LAMA3: variants seen among roughly 807,000 people sequenced by gnomAD.
LAMA3 encodes laminin subunit alpha 3, also known as laminin subunit alpha-3.
In LAMA3, 281 loss-of-function variants were observed where a neutral mutation model predicts 402.0. The observed-to-expected ratio is 0.70, with a 90% CI of 0.63 to 0.77. The LOEUF is 0.77. LAMA3 is among the 30% of genes least tolerant of loss of function. The pLI, the probability that LAMA3 is intolerant of heterozygous loss-of-function variation, is 0.00. For missense variants in LAMA3, 3,840 were observed against 4,215.5 expected (o/e 0.91, Z 2.47); for synonymous variants, 1,431 against 1,558.4 (o/e 0.92, Z 1.93).
At chr18:23,705,306 G>A (rs570113464) in intron 1 of LAMA3, among the ~76,000 whole-genome samples, 56 of 151,786 alleles carry the variant, frequency 3.7e-4, no homozygotes, top group South Asian at 6.3e-4. Context: ...TTAAAATATC[G>A]GACATCAGGC....
intron 39 of LAMA3, among the ~76,000 whole-genome samples, chr18:23,880,947 C>T (rs536547069): frequency 6.6e-6 from 1 of 152,292 alleles, no homozygotes; most frequent in South Asian, 2.1e-4. Context: ...TCAAGCAACA[C>T]CTCTGCATAC....
chr18:23,826,601 A>C, intron 21 of LAMA3, 101 bp from the exon 22 acceptor site: 1 of 888,680 alleles, frequency 1.1e-6, no homozygotes, highest in South Asian at 1.4e-5. Context: ...TAGCGACTTC[A>C]CCTGGTTATT....
chr18:23,864,916 A>C, intron 36 of LAMA3, 33 bp downstream of exon 36: 1 of 1,383,538 alleles, frequency 7.2e-7, no homozygotes, highest in Non-Finnish European at 1.0e-6. Context: ...AGTGGCAGGA[A>C]GTGGCAGTTG....
intron 12 of LAMA3, among the ~76,000 whole-genome samples, chr18:23,785,566 A>G (rs2062527743): frequency 6.6e-6 from 1 of 152,208 alleles, no homozygotes; most frequent in Admixed American, 6.5e-5. Context: ...GTAATTGTTC[A>G]TAAGTTAGCT....
intron 41 of LAMA3, among the ~76,000 whole-genome samples, chr18:23,885,726 C>A (rs1377312115): frequency 6.6e-6 from 1 of 152,040 alleles, no homozygotes; most frequent in Non-Finnish European, 1.5e-5. Context: ...TTTAAAATAA[C>A]TTTCTCATAA....
chr18:23,764,524 T>C (rs929500880), intron 8 of LAMA3, among the ~76,000 whole-genome samples: 4 of 152,154 alleles, frequency 2.6e-5, no homozygotes, highest in African/African-American at 7.2e-5. Context: ...CTCAGTGATA[T>C]TATGTTTTGT....
intron 4 of LAMA3, 54 bp downstream of exon 4, chr18:23,749,600 T>G (rs1201432289): frequency 1.9e-6 from 2 of 1,078,774 alleles, no homozygotes; most frequent in Non-Finnish European, 1.4e-6. Context: ...ACCATGAGGA[T>G]ATCCAATTTT....
intron 44 of LAMA3, 111 bp downstream of exon 44, chr18:23,895,169 C>G: frequency 1.6e-6 from 2 of 1,225,510 alleles, no homozygotes; most frequent in Non-Finnish European, 2.3e-6. Context: ...AGGGGTTGTC[C>G]TCCTTCCTCT....
chr18:23,943,677 C>A, intron 68 of LAMA3, 111 bp from the exon 69 acceptor site: 1 of 939,770 alleles, frequency 1.1e-6, no homozygotes. Flanking sequence ...GTTAGCTTAT[C>A]CATTTGAAAA....
At chr18:23,764,955 T>C (rs908164200) in intron 8 of LAMA3, among the ~76,000 whole-genome samples, 4 of 152,126 alleles carry the variant, frequency 2.6e-5, no homozygotes, top group East Asian at 1.9e-4. Flanking sequence ...GGTGTTCATA[T>C]GATAAACTAT....
chr18:23,876,273 AAC>A lies in LAMA3; in HGVS notation c.4999-18_4999-17del. On this transcript the variant is annotated intron_variant, in intron 38 of 74. Coordinates refer to ENST00000313654, the MANE Select transcript of LAMA3 (RefSeq NM_198129.4). ...TTGTTTTCTTTCTTTGTATTGATTA[AAC>A]ACTTTGTTTGAAAAATAGGGTTGTA... The A allele has an allele frequency of 6.7e-7, 1 of 1,502,956 alleles. No individual in the cohort carries two copies. The highest frequency in any genetic ancestry group is 9.3e-7 in the Non-Finnish European group (1 of 1,078,686). 93.1% of individuals were successfully genotyped at this position (1,502,956 alleles called of 1,614,324 possible).
chr18:23,811,978 A>T (rs2063079038), intron 13 of LAMA3, among the ~76,000 whole-genome samples: 1 of 151,792 alleles, frequency 6.6e-6, no homozygotes, highest in Admixed American at 6.6e-5. Context: ...GGTTCAAGCG[A>T]TTCTCCTGCC....
intron 67 of LAMA3, among the ~76,000 whole-genome samples, chr18:23,938,723 T>A (rs978518635): frequency 6.6e-6 from 1 of 151,938 alleles, no homozygotes; most frequent in African/African-American, 2.4e-5. Flanking sequence ...TGCTCAGTGG[T>A]GGAAAGGGGC....
chr18:23,822,198 G>A (rs1007453749), intron 19 of LAMA3, 54 bp from the exon 20 acceptor site: 5 of 1,603,314 alleles, frequency 3.1e-6, no homozygotes, highest in East Asian at 2.2e-5. Context: ...TGTTTGGCTA[G>A]CATGTCTTTT....
chr18:23,820,748 A>G (rs1335743821), intron 19 of LAMA3, among the ~76,000 whole-genome samples: 1 of 152,180 alleles, frequency 6.6e-6, no homozygotes, highest in Non-Finnish European at 1.5e-5. Context: ...AGAATATGAG[A>G]GGTAAATTAA....
chr18:23,792,417 G>A (rs1412880772), intron 12 of LAMA3, among the ~76,000 whole-genome samples: 1 of 152,198 alleles, frequency 6.6e-6, no homozygotes, highest in Non-Finnish European at 1.5e-5. Context: ...GGATGCAAGA[G>A]AGAGAGTCCA....
chr18:23,896,323 G>A (rs535827648), intron 44 of LAMA3, among the ~76,000 whole-genome samples: 8 of 152,238 alleles, frequency 5.3e-5, no homozygotes, highest in Admixed American at 3.9e-4. Flanking sequence ...GTGACACAGC[G>A]AGACTCCATC....
At chr18:23,693,485 T>A (rs2145805770) in intron 1 of LAMA3, among the ~76,000 whole-genome samples, 1 of 151,436 alleles carries the variant, frequency 6.6e-6, no homozygotes, top group Admixed American at 6.6e-5. Context: ...GTAGAGTAGA[T>A]CTGCTAGCAG....
Position 23,907,207 on chromosome 18 carries a change from G to C in LAMA3, c.6719-343G>C, listed in dbSNP as rs147108064. On this transcript the variant is annotated intron_variant, in intron 52 of 74. Coordinates refer to ENST00000313654, the MANE Select transcript of LAMA3 (RefSeq NM_198129.4). The stretch of plus-strand genomic sequence containing the variant: ...CTAGTGCCAGACACTACATTATGTG[G>C]TAGGACATGGTAGTGGATAAGACAG... Among the ~76,000 whole-genome samples the C allele has an allele frequency of 2.2e-3, 335 of 152,308 alleles. 2 individuals are homozygous for C. Among genetic ancestry groups the C allele is most frequent in the African/African-American group, 7.5e-3 (310 of 41,542 alleles).
Sources: allele counts gnomAD v4.1 joint callset (sites outside exome capture counted in the v4.1 genomes callset), GRCh38; gene constraint gnomAD v4.1.1; transcripts MANE v1.5; gene names NCBI Gene and HGNC (gene_info 2026-07-23, HGNC 2026-07-21).